CDK6: variants seen among roughly 807,000 people sequenced by gnomAD.
CDK6 encodes the protein cyclin dependent kinase 6.
Under a neutral mutation model 37.1 loss-of-function variants are expected in CDK6, and 6 were observed. The ratio of observed to expected loss-of-function variants is 0.16; its 90% CI spans 0.09 to 0.32. The LOEUF is 0.32. CDK6 is among the 10% of genes least tolerant of loss of function. The pLI, the probability that CDK6 is intolerant of heterozygous loss-of-function variation, is 1.00. For missense variants in CDK6, 224 were observed against 418.9 expected, an observed-to-expected ratio of 0.53 and a Z score of 4.06; for synonymous variants, 160 against 161.3, an observed-to-expected ratio of 0.99 and a Z score of 0.06.
rs1795479054 is a variant in CDK6 at position 92,608,383 on chromosome 7, A to AT, written c.*6756_*6757insA. The AT allele has an allele frequency of 8.6e-6, 2 of 231,542 alleles. No homozygotes were observed. Among genetic ancestry groups the AT allele is most frequent in the Non-Finnish European group, 1.7e-5 (2 of 117,098 alleles). 14.3% of individuals were successfully genotyped at this position (231,542 alleles called of 1,614,324 possible). A position where few individuals can be genotyped will look rare whatever the true frequency, so the allele number is the denominator to read the frequency against. On this transcript the variant is annotated 3_prime_UTR_variant, in exon 8 of 8. Coordinates refer to ENST00000424848, the MANE Select transcript of CDK6 (RefSeq NM_001145306.2). Reference sequence around the variant, plus strand: ...CTAACAAAGAAAAAGAGAGAAAAGAAACTGGAAGCTAAAGAATTGAGAGCT... The same window carrying AT: ...CTAACAAAGAAAAAGAGAGAAAAGAATACTGGAAGCTAAAGAATTGAGAGCT...
At chr7:92,683,233 A>G (rs1797375705) in intron 4 of CDK6, among the ~76,000 whole-genome samples, 1 of 152,110 alleles carries the variant, frequency 6.6e-6, no homozygotes, top group Admixed American at 6.5e-5. Context: ...TTGCTTTGAG[A>G]GGCCACATTA....
At chr7:92,717,547 A>C (rs1259045170) in intron 4 of CDK6, among the ~76,000 whole-genome samples, 2 of 152,200 alleles carry the variant, frequency 1.3e-5, no homozygotes, top group Non-Finnish European at 2.9e-5. Context: ...AGAAAGACAG[A>C]CAACCAGATT....
intron 4 of CDK6, among the ~76,000 whole-genome samples, chr7:92,684,880 CAT>C (rs1296494076): frequency 6.6e-6 from 1 of 152,034 alleles, no homozygotes; most frequent in African/African-American, 2.4e-5. Flanking sequence ...TATTACTTGA[CAT>C]AAGAATTCTT....
intron 5 of CDK6, among the ~76,000 whole-genome samples, chr7:92,669,676 T>C (rs1403968130): frequency 6.6e-6 from 1 of 152,236 alleles, no homozygotes; most frequent in African/African-American, 2.4e-5. Context: ...CTTCTACACT[T>C]GTTGGATGAA....
At chr7:92,827,963 A>C (rs1801370313) in intron 2 of CDK6, among the ~76,000 whole-genome samples, 2 of 152,092 alleles carry the variant, frequency 1.3e-5, no homozygotes, top group African/African-American at 4.8e-5. Flanking sequence ...TGATGTTTTT[A>C]TTTCATTAAC....
rs1401650209 is a variant in CDK6, at chr7:92,833,998, C to G, written c.-367-308G>C. 7 of 398,194 alleles carry G rather than the reference C, an allele frequency of 1.8e-5. No individual in the cohort carries two copies. The highest frequency in any genetic ancestry group is 2.7e-5 in the Non-Finnish European group (6 of 225,964). The allele number at this position is 398,194 out of a possible 1,614,324, so 24.7% of individuals were successfully genotyped here. A position where few individuals can be genotyped will look rare whatever the true frequency, so the allele number is the denominator to read the frequency against. On this transcript the variant is annotated intron_variant, in intron 1 of 7. Transcript: ENST00000424848. This position sits in a 1 kb window ranked among gnomAD's most constrained non-coding sequence, Gnocchi z 6.1. ...GCGTGCCGAGCAGCCCAGAGTGTGC[C>G]GGGAGCGCGGGGGAGGGGAGGCGCC...
chr7:92,747,404 C>CGT, intron 3 of CDK6, among the ~76,000 whole-genome samples: 1 of 152,182 alleles, frequency 6.6e-6, no homozygotes. Flanking sequence ...ATCAGCCACC[C>CGT]ACCCAAGAGC....
intron 2 of CDK6, among the ~76,000 whole-genome samples, chr7:92,776,669 A>G (rs148270016): frequency 1.2e-3 from 186 of 152,118 alleles, no homozygotes; most frequent in African/African-American, 4.3e-3. Context: ...AGTGATGATG[A>G]GCTTTTTTTT....
chr7:92,611,309 A>AT lies in CDK6; in HGVS notation c.*3830dup, dbSNP rs1795557345. 1 of 223,768 alleles carries AT rather than the reference A, an allele frequency of 4.5e-6. No homozygotes were observed. The highest frequency in any genetic ancestry group is 2.3e-5 in the African/African-American group (1 of 43,106). 13.9% of individuals were successfully genotyped at this position (223,768 alleles called of 1,614,324 possible). ...CCAGGGTAAATATTCTGTAGTTTCT[A>AT]TACTAACATAATTAAGTAATTATGG... is the stretch of plus-strand genomic sequence containing the variant. On this transcript the variant is annotated 3_prime_UTR_variant, in exon 8 of 8. Coordinates refer to ENST00000424848, the MANE Select transcript of CDK6 (RefSeq NM_001145306.2).
At chr7:92,819,570 G>T (rs1240801036) in intron 2 of CDK6, among the ~76,000 whole-genome samples, 2 of 151,848 alleles carry the variant, frequency 1.3e-5, no homozygotes, top group East Asian at 1.9e-4. Context: ...AAAGCCAAAG[G>T]ATATTCAAAG....
At chr7:92,652,751 G>A (rs1796604391) in intron 5 of CDK6, among the ~76,000 whole-genome samples, 2 of 152,200 alleles carry the variant, frequency 1.3e-5, no homozygotes, top group African/African-American at 4.8e-5. Flanking sequence ...TCTGTGAAGA[G>A]CTGGATGTTG....
intron 3 of CDK6, among the ~76,000 whole-genome samples, chr7:92,739,047 A>T (rs898484050): frequency 5.3e-5 from 8 of 152,180 alleles, no homozygotes; most frequent in African/African-American, 1.7e-4. Flanking sequence ...AAGTGGTTGC[A>T]CATCATGGTC....
intron 2 of CDK6, among the ~76,000 whole-genome samples, chr7:92,815,116 G>T (rs1800994697): frequency 6.6e-6 from 1 of 152,112 alleles, no homozygotes; most frequent in Non-Finnish European, 1.5e-5. Context: ...CCACATTCAG[G>T]GGAGTCAACT....
At chr7:92,680,863 T>C (rs2116623188) in intron 4 of CDK6, among the ~76,000 whole-genome samples, 1 of 152,312 alleles carries the variant, frequency 6.6e-6, no homozygotes, top group East Asian at 1.9e-4. Flanking sequence ...CACAAAGCCT[T>C]TCCTGATCTC....
chr7:92,756,159 T>TA (rs1054729093), intron 3 of CDK6, among the ~76,000 whole-genome samples: 7,757 of 133,902 alleles, frequency 0.058, 626 homozygotes, highest in African/African-American at 0.19. Context: ...TGTAAAATTG[T>TA]AAAAAAAAAA....
intron 2 of CDK6, among the ~76,000 whole-genome samples, chr7:92,813,416 A>G (rs1297204102): frequency 6.6e-6 from 1 of 152,212 alleles, no homozygotes; most frequent in African/African-American, 2.4e-5. Context: ...TCTAAGTGCA[A>G]TGAGTACATT....
intron 3 of CDK6, among the ~76,000 whole-genome samples, chr7:92,766,123 A>C (rs1265629927): frequency 1.3e-5 from 2 of 152,108 alleles, no homozygotes; most frequent in Non-Finnish European, 2.9e-5. Flanking sequence ...AAACCACTGG[A>C]GCTAAGTTTT....
chr7:92,815,379 G>A (rs1173378022), intron 2 of CDK6, among the ~76,000 whole-genome samples: 2 of 152,108 alleles, frequency 1.3e-5, no homozygotes, highest in Non-Finnish European at 2.9e-5. Flanking sequence ...CTATTTAATA[G>A]TCTTACTAGC....
At chr7:92,615,470 G>A (rs929878920) in intron 7 of CDK6, among the ~76,000 whole-genome samples, 184 bp from the exon 8 acceptor site, 10 of 152,150 alleles carry the variant, frequency 6.6e-5, no homozygotes, top group Non-Finnish European at 1.5e-5. Flanking sequence ...TGTATAAAAT[G>A]TCCCTCAGGA....
Sources: allele counts gnomAD v4.1 joint callset (sites outside exome capture counted in the v4.1 genomes callset), GRCh38; gene constraint gnomAD v4.1.1; non-coding constraint Gnocchi (gnomAD v3.1); transcripts MANE v1.5; gene names NCBI Gene and HGNC (gene_info 2026-07-23, HGNC 2026-07-21).